The following ZC3H6 variants were observed in gnomAD, a reference collection of about 807,000 sequenced individuals.
ZC3H6 encodes zinc finger CCCH domain-containing protein 6.
Under a neutral mutation model 107.7 loss-of-function variants are expected in ZC3H6, and 40 were observed. The ratio of observed to expected loss-of-function variants is 0.37; its 90% CI spans 0.29 to 0.48. ZC3H6 has a LOEUF of 0.48. Among genes scored for constraint, ZC3H6 ranks in the 20% least tolerant of loss-of-function variants. The pLI, the probability that ZC3H6 is intolerant of heterozygous loss-of-function variation, is 0.98. For synonymous variants in ZC3H6, 493 were observed against 487.9 expected, an observed-to-expected ratio of 1.01 and a Z score of -0.14; for missense variants, 1,267 against 1,410.4, an observed-to-expected ratio of 0.90 and a Z score of 1.63.
At chr2:112,281,398 G>C (rs1686524556) in intron 1 of ZC3H6, among the ~76,000 whole-genome samples, 1 of 152,116 alleles carries the variant, frequency 6.6e-6, no homozygotes, top group Non-Finnish European at 1.5e-5. Context: ...AAACAGAGGA[G>C]GGACAGGATC....
Position 112,287,437 on chromosome 2 carries a change from A to T in ZC3H6, c.32+11411A>T, listed in dbSNP as rs182546139. On this transcript the variant is annotated intron_variant, in intron 1 of 11. Coordinates refer to ENST00000409871, the MANE Select transcript of ZC3H6 (RefSeq NM_198581.3). ...GACATAAAGTATAATATATTTTAGG[A>T]ATAGTGTGGTTTTCTTCATGATGTC... is the stretch of plus-strand genomic sequence containing the variant. Among the ~76,000 whole-genome samples the T allele has an allele frequency of 2.6e-5, 4 of 152,286 alleles. No individual in the cohort carries two copies. In the East Asian group the frequency reaches 5.8e-4, roughly 22 times the overall value.
chr2:112,305,390 C>A (rs917786756), intron 3 of ZC3H6, among the ~76,000 whole-genome samples: 1 of 152,080 alleles, frequency 6.6e-6, no homozygotes, highest in African/African-American at 2.4e-5. Flanking sequence ...TTCTATGTGG[C>A]CACTGTGGGA....
intron 1 of ZC3H6, among the ~76,000 whole-genome samples, chr2:112,283,520 A>G (rs1686560624): frequency 6.6e-6 from 1 of 152,366 alleles, no homozygotes; most frequent in South Asian, 2.1e-4. Flanking sequence ...TAAAGTTGGT[A>G]TGAAAACAAA....
At chr2:112,317,943 CTCTA>C (rs1267840041) in intron 7 of ZC3H6, among the ~76,000 whole-genome samples, 1 of 152,160 alleles carries the variant, frequency 6.6e-6, no homozygotes, top group Non-Finnish European at 1.5e-5. Context: ...AGAATTGAAA[CTCTA>C]TCACAGACAA....
chr2:112,298,730 A>AC (rs1676298368), intron 1 of ZC3H6, among the ~76,000 whole-genome samples: 1 of 152,260 alleles, frequency 6.6e-6, no homozygotes, highest in Admixed American at 6.5e-5. Context: ...TAAAATATTT[A>AC]AGTACAAAAT....
intron 4 of ZC3H6, among the ~76,000 whole-genome samples, chr2:112,310,887 C>T (rs1676580486): frequency 1.3e-5 from 2 of 152,146 alleles, no homozygotes. Flanking sequence ...ATTTCTATGA[C>T]TTTATTTTTT....
intron 1 of ZC3H6, among the ~76,000 whole-genome samples, chr2:112,288,759 A>G (rs936817302): frequency 6.6e-6 from 1 of 152,198 alleles, no homozygotes; most frequent in East Asian, 1.9e-4. Context: ...TTCCAGGTTC[A>G]GGTGACCTCA....
rs1375809029 is a variant in ZC3H6, at chr2:112,324,235, C to T, written c.1424C>T (p.Ser475Phe). 9 of 1,613,262 alleles carry T rather than the reference C, an allele frequency of 5.6e-6. No individual in the cohort carries two copies. Among genetic ancestry groups the T allele is most frequent in the Non-Finnish European group, 7.6e-6 (9 of 1,179,224 alleles). ...SSPHPQHIYS[S>F]GSSPGPGPNM... ...CCACACCCTCAACATATCTATAGTTCTGGGTCAAGTCCAGGTCCTGGACCT... is the reference window on the plus strand; with the variant it reads ...CCACACCCTCAACATATCTATAGTTTTGGGTCAAGTCCAGGTCCTGGACCT... Residue 475 changes from serine (S) to phenylalanine (F), a missense_variant, in exon 10 of 12, where the codon TCT (serine) becomes TTT (phenylalanine). Coordinates refer to ENST00000409871, the MANE Select transcript of ZC3H6 (RefSeq NM_198581.3).
chr2:112,338,138 C>T lies in ZC3H6; in HGVS notation c.*5650C>T, dbSNP rs1677165702. The T allele has an allele frequency of 6.6e-6, 1 of 151,932 alleles. No homozygotes were observed. Among genetic ancestry groups the T allele is most frequent in the African/African-American group, 2.4e-5 (1 of 41,350 alleles). 9.4% of individuals were successfully genotyped at this position (151,932 alleles called of 1,614,324 possible). ...TAATTTTTTATATTTTTGGTAGAGA[C>T]ACAGTTTCATCATGTTGGCCCGGCT... On this transcript the variant is annotated 3_prime_UTR_variant, in exon 12 of 12. Coordinates refer to ENST00000409871, the MANE Select transcript of ZC3H6 (RefSeq NM_198581.3).
Position 112,319,235 on chromosome 2 carries a change from G to A in ZC3H6, c.976+1903G>A, listed in dbSNP as rs141786432. Among the ~76,000 whole-genome samples the A allele has an allele frequency of 6.6e-3, 1,010 of 152,158 alleles. 5 individuals are homozygous for A. The highest frequency in any genetic ancestry group is 0.01 in the Non-Finnish European group (713 of 67,988). On this transcript the variant is annotated intron_variant, in intron 7 of 11. Transcript: ENST00000409871. ...AAGTATTCCTGGCCAGGCATGGTAG[G>A]TCACACCTGTAATCCTAACACTGGG...
intron 1 of ZC3H6, 148 bp from the exon 2 acceptor site, chr2:112,299,701 C>A: frequency 2.2e-6 from 1 of 450,630 alleles, no homozygotes; most frequent in Non-Finnish European, 3.8e-6. Context: ...AAAATATTTA[C>A]TATCTGGGCC....
At chr2:112,297,253 A>G (rs1050137061) in intron 1 of ZC3H6, among the ~76,000 whole-genome samples, 2 of 152,208 alleles carry the variant, frequency 1.3e-5, no homozygotes, top group African/African-American at 4.8e-5. Flanking sequence ...GTAGTGGATT[A>G]TTTTGAAGCA....
intron 7 of ZC3H6, among the ~76,000 whole-genome samples, chr2:112,319,794 C>A (rs183503974): frequency 6.6e-6 from 1 of 152,058 alleles, no homozygotes; most frequent in East Asian, 1.9e-4. Context: ...GGTTAATGAC[C>A]TTCAAACAAA....
Position 112,324,221 on chromosome 2 carries a change from A to T in ZC3H6, c.1410A>T (p.Gln470His). The T allele has an allele frequency of 6.2e-7, 1 of 1,609,920 alleles. No homozygotes were observed. The highest frequency in any genetic ancestry group is 1.3e-5 in the African/African-American group (1 of 74,974). The change falls in exon 10 of 12, where the codon CAA (glutamine) becomes CAT (histidine). Residue 470 changes from glutamine (Q) to histidine (H), a missense_variant. Physicochemically the swap from Gln to His is conservative, Grantham distance 24. Coordinates refer to ENST00000409871, the MANE Select transcript of ZC3H6 (RefSeq NM_198581.3). ...TTCAGGGAAGCAGTCCACACCCTCA[A>T]CATATCTATAGTTCTGGGTCAAGTC... The part of the protein sequence containing the change: ...PQFQGSSPHP[Q>H]HIYSSGSSPG...
chr2:112,289,179 T>C (rs922560154), intron 1 of ZC3H6, among the ~76,000 whole-genome samples: 9 of 151,690 alleles, frequency 5.9e-5, no homozygotes, highest in Non-Finnish European at 1.0e-4. Context: ...CTAATTTTTG[T>C]AGTTTTAGTA....
chr2:112,289,646 A>G (rs576912969), intron 1 of ZC3H6, among the ~76,000 whole-genome samples: 2 of 152,340 alleles, frequency 1.3e-5, no homozygotes, highest in Non-Finnish European at 1.5e-5. Flanking sequence ...TCATCAACTT[A>G]TCTGGGACCC....
intron 7 of ZC3H6, 59 bp downstream of exon 7, chr2:112,317,391 G>T: frequency 4.1e-6 from 4 of 987,232 alleles, no homozygotes; most frequent in Non-Finnish European, 5.8e-6. Flanking sequence ...GCATCATTGA[G>T]GTTTTAAAAA....
At chr2:112,305,720 T>C (rs1280418045) in intron 3 of ZC3H6, among the ~76,000 whole-genome samples, 1 of 152,244 alleles carries the variant, frequency 6.6e-6, no homozygotes, top group Non-Finnish European at 1.5e-5. Flanking sequence ...ACAGGTTTGC[T>C]ATCAAATTCT....
chr2:112,331,696 G>A lies in ZC3H6; in HGVS notation c.2778G>A (p.Val926=). 1 of 1,613,874 alleles carries A rather than the reference G, an allele frequency of 6.2e-7. No homozygotes were observed. The highest frequency in any genetic ancestry group is 8.5e-7 in the Non-Finnish European group (1 of 1,179,880). The stretch of plus-strand genomic sequence containing the variant: ...AAAGTGATCTTCATCAAAATACAGT[G>A]TCCATTGATCCAAAATTAGCAGCCA... ...NTKSDLHQNT[V]SIDPKLAAKA... is the part of the protein sequence containing the mutation. The change falls in exon 12 of 12, where the codon GTG becomes GTA. Residue 926 remains valine (V), a synonymous_variant. Transcript: ENST00000409871.
Sources: gnomAD v4.1 joint callset for allele counts (sites outside exome capture counted in the v4.1 genomes callset) on GRCh38, gnomAD v4.1.1 for gene constraint, MANE v1.5 for transcripts, NCBI Gene and HGNC (gene_info 2026-07-23, HGNC 2026-07-21) for gene names.